Variants in SCTR observed in about 807,000 individuals in gnomAD.
SCTR encodes the protein pancreatic secretin receptor.
Under a neutral mutation model 60.8 loss-of-function variants are expected in SCTR, and 56 were observed. That is an observed-to-expected ratio of 0.92 (90% CI 0.74 to 1.15). SCTR has a LOEUF of 1.15. Ranked by LOEUF, SCTR falls within the 50% of genes most tolerant of loss-of-function variation. The probability of loss-of-function intolerance (pLI) is 0.00; values close to 1 mark genes in which losing one functional copy is unlikely to be tolerated. For synonymous variants in SCTR, 202 were observed against 217.0 expected (o/e 0.93, Z 0.61); for missense variants, 562 against 550.4 (o/e 1.02, Z -0.21).
chr2:119,516,248 C>G (rs770676872), intron 1 of SCTR, among the ~76,000 whole-genome samples: 2 of 152,192 alleles, frequency 1.3e-5, no homozygotes, highest in African/African-American at 4.8e-5. Flanking sequence ...ATCAGCACCT[C>G]GTAGAGGTAC....
intron 1 of SCTR, 62 bp downstream of exon 1, chr2:119,524,093 G>A: frequency 1.5e-6 from 2 of 1,365,108 alleles, no homozygotes; most frequent in South Asian, 1.2e-5. Context: ...GCCCGAGGCC[G>A]GAGAAAGGGC....
At chr2:119,442,697 T>C (rs1682700476) in intron 11 of SCTR, among the ~76,000 whole-genome samples, 2 of 152,160 alleles carry the variant, frequency 1.3e-5, no homozygotes, top group Non-Finnish European at 2.9e-5. Context: ...ACTCAGGGCA[T>C]CGGTTTCCAA....
Position 119,459,025 on chromosome 2 carries a change from G to A in SCTR, c.790+2822C>T, listed in dbSNP as rs527907811. On this transcript the variant is annotated intron_variant, in intron 7 of 12. Coordinates refer to ENST00000019103, the MANE Select transcript of SCTR (RefSeq NM_002980.3). ...CGCTCTGAAAAAGTCAAAGCTTTGG[G>A]TAAGTGTTAAAAACCTTAAACGTGC... Among the ~76,000 whole-genome samples the A allele has an allele frequency of 2.6e-5, 4 of 152,310 alleles. No homozygotes were observed. The East Asian group carries it at 5.8e-4, about 22-fold the overall frequency.
Position 119,478,928 on chromosome 2 carries a change from A to G in SCTR, c.194-10T>C. ...CACATCCCCTCACAACCTGCCAAGA[A>G]AAGCAGCATCAGACAAGGATGGGGG... On this transcript the variant is annotated splice_polypyrimidine_tract_variant and intron_variant, in intron 2 of 12. Coordinates refer to ENST00000019103, the MANE Select transcript of SCTR (RefSeq NM_002980.3). 1 of 1,614,064 alleles carries G rather than the reference A, an allele frequency of 6.2e-7. No individual in the cohort carries two copies. The highest frequency in any genetic ancestry group is 8.5e-7 in the Non-Finnish European group (1 of 1,179,946).
intron 9 of SCTR, among the ~76,000 whole-genome samples, chr2:119,450,048 AAAAAAGAAAG>A (rs1421573929): frequency 2.7e-5 from 4 of 146,456 alleles, no homozygotes; most frequent in Admixed American, 1.4e-4. Flanking sequence ...AGGAAGAAAG[AAAAAAGAAAG>A]AAAAAGAAAG....
chr2:119,444,228 T>TATACATATGAATATATACAC, intron 11 of SCTR, among the ~76,000 whole-genome samples: 1 of 146,180 alleles, frequency 6.8e-6, no homozygotes, highest in African/African-American at 2.5e-5. Context: ...TATATACACA[T>TATACATATGAATATATACAC]ATACATATGA....
intron 4 of SCTR, among the ~76,000 whole-genome samples, chr2:119,466,588 C>T (rs977826931): frequency 1.3e-5 from 2 of 152,016 alleles, no homozygotes; most frequent in Non-Finnish European, 2.9e-5. Flanking sequence ...ACTGTCTCTA[C>T]AAAAAATTTT....
chr2:119,482,680 C>T lies in SCTR; in HGVS notation c.194-3762G>A, dbSNP rs114087597. Among the ~76,000 whole-genome samples the T allele has an allele frequency of 6.0e-3, 910 of 152,338 alleles. 7 individuals carry two copies. The highest frequency in any genetic ancestry group is 0.019 in the African/African-American group (793 of 41,576). On this transcript the variant is annotated intron_variant, in intron 2 of 12. Transcript: ENST00000019103. ...TGCCCGTCTACATTCCAGCTGTGGA[C>T]GCTGCTGGCTGGGCCTGAGCAGGGT...
In SCTR at chr2:119,524,371, G is replaced by A. The variant is rs1312354638; in HGVS notation, c.-145C>T. On this transcript the variant is annotated 5_prime_UTR_variant, in exon 1 of 13. Coordinates refer to ENST00000019103, the MANE Select transcript of SCTR (RefSeq NM_002980.3). ...GCCATGGCTGAGCCACCCGACCTGC[G>A]GCGGGCCCCGGGACTGCTCCTCCTC... 1 of 476,008 alleles carries A rather than the reference G, an allele frequency of 2.1e-6. No homozygotes were observed. Among genetic ancestry groups the A allele is most frequent in the Non-Finnish European group, 3.5e-6 (1 of 288,694 alleles). The allele number at this position is 476,008 out of a possible 1,614,324, so 29.5% of individuals were successfully genotyped here.
intron 1 of SCTR, among the ~76,000 whole-genome samples, chr2:119,505,622 C>T (rs897289458): frequency 4.6e-5 from 7 of 151,138 alleles, no homozygotes; most frequent in East Asian, 2.0e-4. Flanking sequence ...AACCAAACAC[C>T]GCATGTTCGC....
intron 1 of SCTR, among the ~76,000 whole-genome samples, chr2:119,509,584 T>C (rs1573922288): frequency 2.0e-5 from 3 of 152,326 alleles, no homozygotes; most frequent in Admixed American, 1.3e-4. Context: ...CTTTGGACTA[T>C]AGAAACAGCA....
At chr2:119,523,317 G>C (rs1014172068) in intron 1 of SCTR, among the ~76,000 whole-genome samples, 2 of 151,644 alleles carry the variant, frequency 1.3e-5, no homozygotes, top group African/African-American at 4.8e-5. Context: ...CTTTATCAGA[G>C]ATCCCGGAGC....
chr2:119,445,256 A>T (rs1448538504), intron 11 of SCTR, among the ~76,000 whole-genome samples: 1 of 151,924 alleles, frequency 6.6e-6, no homozygotes, highest in Non-Finnish European at 1.5e-5. Flanking sequence ...CAAATCCTCT[A>T]CCTGCTAGAT....
At chr2:119,449,509 A>T (rs1353310252) in intron 9 of SCTR, among the ~76,000 whole-genome samples, 1 of 152,132 alleles carries the variant, frequency 6.6e-6, no homozygotes, top group Non-Finnish European at 1.5e-5. Context: ...GTTATCTGCC[A>T]ATTCAATTGT....
chr2:119,446,736 C>G (rs375629261), intron 11 of SCTR, 23 bp downstream of exon 11: 3 of 1,471,338 alleles, frequency 2.0e-6, no homozygotes, highest in East Asian at 5.2e-5. Flanking sequence ...TTTCAGCTGG[C>G]AGCCCCAGTC....
intron 11 of SCTR, among the ~76,000 whole-genome samples, chr2:119,445,638 G>A (rs988287197): frequency 7.2e-5 from 11 of 152,178 alleles, no homozygotes; most frequent in Non-Finnish European, 1.3e-4. Flanking sequence ...TCGCCCTACC[G>A]TGGAAATGTC....
At chr2:119,454,854 C>A (rs200546017) in intron 7 of SCTR, among the ~76,000 whole-genome samples, 328 of 144,952 alleles carry the variant, frequency 2.3e-3, no homozygotes, top group Middle Eastern at 3.7e-3. Flanking sequence ...AACTCCATCT[C>A]AAAAAAAAAA....
At chr2:119,497,150 C>G (rs1382134058) in intron 1 of SCTR, among the ~76,000 whole-genome samples, 1 of 152,148 alleles carries the variant, frequency 6.6e-6, no homozygotes, top group Non-Finnish European at 1.5e-5. Context: ...CCACTACCAC[C>G]GAGTGGCACT....
At chr2:119,515,765 G>A (rs1049697353) in intron 1 of SCTR, among the ~76,000 whole-genome samples, 2 of 152,152 alleles carry the variant, frequency 1.3e-5, no homozygotes, top group South Asian at 4.1e-4. Flanking sequence ...TCAGAACCAC[G>A]TTGGCCTGAG....
Sources: gnomAD v4.1 joint callset for allele counts (sites outside exome capture counted in the v4.1 genomes callset) on GRCh38, gnomAD v4.1.1 for gene constraint, MANE v1.5 for transcripts, NCBI Gene and HGNC (gene_info 2026-07-23, HGNC 2026-07-21) for gene names.